The following ROBO2 variants were observed in gnomAD, a reference collection of about 807,000 sequenced individuals.
ROBO2 encodes the protein roundabout homolog 2.
In ROBO2, 53 loss-of-function variants were observed where a neutral mutation model predicts 160.8. That is an observed-to-expected ratio of 0.33 (90% confidence interval 0.26 to 0.41). The LOEUF (loss-of-function observed/expected upper bound fraction) is 0.41. ROBO2 is among the 10% of genes least tolerant of loss of function. The pLI, the probability that ROBO2 is intolerant of heterozygous loss-of-function variation, is 1.00. For synonymous variants in ROBO2, 664 were observed against 611.7 expected (o/e 1.09, Z -1.26); for missense variants, 1,577 against 1,722.4 (o/e 0.92, Z 1.49).
At chr3:76,956,324 G>A (rs2149207139) in intron 2 of ROBO2, among the ~76,000 whole-genome samples, 1 of 152,198 alleles carries the variant, frequency 6.6e-6, no homozygotes, top group African/African-American at 2.4e-5. Context: ...TTGGGAGGCC[G>A]AGGCGGGTGG....
At chr3:77,217,566 T>A (rs2085150548) in intron 2 of ROBO2, among the ~76,000 whole-genome samples, 1 of 152,224 alleles carries the variant, frequency 6.6e-6, no homozygotes, top group Admixed American at 6.5e-5. Flanking sequence ...TCATCTTCTG[T>A]CAATAGTTCT....
intron 2 of ROBO2, among the ~76,000 whole-genome samples, chr3:76,208,082 C>T (rs543579017): frequency 6.7e-4 from 102 of 152,292 alleles, no homozygotes; most frequent in African/African-American, 2.3e-3. Flanking sequence ...TGCCTTCTGC[C>T]GTGGCTGTAA....
intron 2 of ROBO2, among the ~76,000 whole-genome samples, chr3:77,371,179 T>G (rs1026518915): frequency 5.3e-5 from 8 of 152,198 alleles, no homozygotes; most frequent in Non-Finnish European, 7.3e-5. Flanking sequence ...GTTCCAGGGA[T>G]CAAGGTTGGT....
At chr3:75,918,339 G>C (rs1946894738) in intron 1 of ROBO2, among the ~76,000 whole-genome samples, 1 of 152,204 alleles carries the variant, frequency 6.6e-6, no homozygotes, top group Admixed American at 6.5e-5. Flanking sequence ...AGATCAGATG[G>C]TTGTAGCTGT....
At chr3:76,700,452 T>A (rs2093024333) in intron 2 of ROBO2, among the ~76,000 whole-genome samples, 1 of 152,122 alleles carries the variant, frequency 6.6e-6, no homozygotes, top group Non-Finnish European at 1.5e-5. Context: ...GAGACACCAG[T>A]ATATATTTGT....
chr3:76,856,241 A>G (rs948900125), intron 2 of ROBO2, among the ~76,000 whole-genome samples: 1 of 152,334 alleles, frequency 6.6e-6, no homozygotes, highest in African/African-American at 2.4e-5. Flanking sequence ...ATAATTTTGC[A>G]TTATTTACAA....
At chr3:77,094,164 C>T (rs1255680170) in intron 1 of ROBO2, among the ~76,000 whole-genome samples, 1 of 152,134 alleles carries the variant, frequency 6.6e-6, no homozygotes, top group East Asian at 1.9e-4. Flanking sequence ...CACTTCCATA[C>T]CCCAGCCCTA....
intron 2 of ROBO2, among the ~76,000 whole-genome samples, chr3:77,292,624 G>T (rs540860985): frequency 1.3e-5 from 2 of 148,344 alleles, no homozygotes; most frequent in Admixed American, 6.8e-5. Context: ...AAAATTGATG[G>T]TTAAACAGGA....
intron 2 of ROBO2, among the ~76,000 whole-genome samples, chr3:77,278,613 A>G (rs1238660664): frequency 6.6e-6 from 1 of 152,158 alleles, no homozygotes; most frequent in Non-Finnish European, 1.5e-5. Context: ...ATAAACCTAT[A>G]GATACTTTTG....
chr3:77,544,316 A>C (rs1007486588), intron 6 of ROBO2, among the ~76,000 whole-genome samples: 1 of 152,138 alleles, frequency 6.6e-6, no homozygotes, highest in African/African-American at 2.4e-5. Flanking sequence ...TGTAAGAAGC[A>C]ACTAATCTCC....
At chr3:76,002,706 C>A (rs1408788372) in intron 2 of ROBO2, among the ~76,000 whole-genome samples, 1 of 152,128 alleles carries the variant, frequency 6.6e-6, no homozygotes, top group Non-Finnish European at 1.5e-5. Context: ...TCTTTATGAG[C>A]AGCAGGAGAA....
At chr3:77,496,890 G>C (rs537305985) in intron 5 of ROBO2, among the ~76,000 whole-genome samples, 1 of 152,122 alleles carries the variant, frequency 6.6e-6, no homozygotes, top group South Asian at 2.1e-4. Flanking sequence ...AAGTAGTACT[G>C]ATATGCCTCT....
At chr3:76,191,686 T>C (rs1702012042) in intron 2 of ROBO2, among the ~76,000 whole-genome samples, 1 of 152,154 alleles carries the variant, frequency 6.6e-6, no homozygotes, top group African/African-American at 2.4e-5. Flanking sequence ...TTTTCTTTAC[T>C]CTTGGATTCT....
chr3:76,789,050 G>T (rs78879840), intron 2 of ROBO2, among the ~76,000 whole-genome samples: 1,615 of 151,506 alleles, frequency 0.011, 27 homozygotes, highest in African/African-American at 0.037. Context: ...GGCCACTTTT[G>T]ATCTATCTGC....
In ROBO2 at chr3:76,871,554, A is replaced by C. The variant is rs972319971; in HGVS notation, c.110-226460A>C. On this transcript the variant is annotated intron_variant, in intron 2 of 26. Coordinates refer to the ROBO2 transcript ENST00000487694. ...GGGCGACAGAGCGAGACTCCGTCTC[A>C]AAAAAAGAAAAAAAAAGAAAAAGAA... 4.7e-5 allele frequency among the ~76,000 whole-genome samples: 5 copies of C among 105,378 alleles called. No individual in the cohort carries two copies. The East Asian group carries it at 9.7e-4, about 21-fold the overall frequency. The allele number at this position is 105,378 out of a possible 152,430, so 69.1% of individuals were successfully genotyped here. A position where few individuals can be genotyped will look rare whatever the true frequency, so the allele number is the denominator to read the frequency against.
chr3:77,647,810 G>A (rs988795648), exon 26 of ROBO2: 3 of 152,034 alleles, frequency 2.0e-5, no homozygotes, highest in Admixed American at 6.6e-5. Flanking sequence ...TCTAAAATAC[G>A]GGACCCCTTT....
At chr3:77,278,603 A>G (rs1580608915) in intron 2 of ROBO2, among the ~76,000 whole-genome samples, 2 of 152,136 alleles carry the variant, frequency 1.3e-5, no homozygotes, top group Non-Finnish European at 2.9e-5. Context: ...TATCCTCACA[A>G]TAAACCTATA....
intron 2 of ROBO2, among the ~76,000 whole-genome samples, chr3:76,168,677 G>A: frequency 6.6e-6 from 1 of 151,948 alleles, no homozygotes; most frequent in East Asian, 1.9e-4. Flanking sequence ...CACCCTTCAA[G>A]ATTAACACAA....
In ROBO2 at chr3:76,723,956, C is replaced by G. The variant is rs190527330; in HGVS notation, c.110-374058C>G. On this transcript the variant is annotated intron_variant, in intron 2 of 26. Transcript: ENST00000487694. ...AAGCTCTCCAAACTATGTTTCCACA[C>G]ATTAAAGTTTGAGAATGGCCGTCTA... Among the ~76,000 whole-genome samples the G allele has an allele frequency of 2.5e-3, 388 of 152,264 alleles. 4 individuals are homozygous for G. The highest frequency in any genetic ancestry group is 9.1e-3 in the African/African-American group (379 of 41,550).
Sources: allele counts gnomAD v4.1 joint callset (sites outside exome capture counted in the v4.1 genomes callset), GRCh38; gene constraint gnomAD v4.1.1; transcripts MANE v1.5; gene names NCBI Gene and HGNC (gene_info 2026-07-23, HGNC 2026-07-21).